Variants in CD99L2 observed in about 807,000 individuals in gnomAD.
CD99L2 encodes CD99 antigen-like protein 2.
A neutral mutation model predicts 27.3 loss-of-function variants in CD99L2; 24 were observed. The observed-to-expected ratio is 0.88, with a 90% CI of 0.64 to 1.24. The LOEUF (loss-of-function observed/expected upper bound fraction) is 1.24, where lower values mean the gene tolerates loss of function less well. Ranked by LOEUF, CD99L2 falls within the 50% of genes most tolerant of loss-of-function variation. The pLI is 0.00. For missense variants in CD99L2, 255 were observed against 221.6 expected, an observed-to-expected ratio of 1.15 and a Z score of -0.96; for synonymous variants, 97 against 87.9, an observed-to-expected ratio of 1.10 and a Z score of -0.58.
At chrX:150,795,520 C>A (rs1557419886) in intron 4 of CD99L2, 34 bp from the exon 5 acceptor site, 1 of 1,170,846 alleles carries the variant, frequency 8.5e-7, no homozygotes, top group African/African-American at 1.8e-5. Flanking sequence ...AAAGGGAGCA[C>A]ATTTAGGAAC....
intron 1 of CD99L2, among the ~76,000 whole-genome samples, chrX:150,838,853 C>CTCA (rs1569566047): frequency 2.4e-5 from 2 of 84,412 alleles, no homozygotes; most frequent in African/African-American, 9.7e-5. Context: ...CCATGCCCAG[C>CTCA]GGAAAACATG....
chrX:150,896,196 G>A (rs1281954936), intron 1 of CD99L2, among the ~76,000 whole-genome samples: 1 of 110,764 alleles, frequency 9.0e-6, no homozygotes, highest in Non-Finnish European at 1.9e-5. Context: ...TCAGGAGTTC[G>A]AGACCAGCCT....
chrX:150,852,894 A>G lies in CD99L2; in HGVS notation c.68-21601T>C, dbSNP rs138086008. On this transcript the variant is annotated intron_variant, in intron 1 of 10. Coordinates refer to ENST00000370377, the MANE Select transcript of CD99L2 (RefSeq NM_031462.4). ...TTGGGGTTTTCTTTCACTTTTTGCT[A>G]TAATTATAAGTAGTGCTCTGTGAAC... 5.8e-3 allele frequency among the ~76,000 whole-genome samples: 645 copies of G among 112,071 alleles called. 5 individuals are homozygous for G. The highest frequency in any genetic ancestry group is 0.02 in the African/African-American group (611 of 30,805).
At chrX:150,799,447 G>A (rs782662903) in intron 4 of CD99L2, among the ~76,000 whole-genome samples, 2 of 108,743 alleles carry the variant, frequency 1.8e-5, no homozygotes, top group African/African-American at 6.7e-5. Flanking sequence ...CCCGGAGATG[G>A]AGGTTGCAGT....
chrX:150,774,339 C>T (rs1557419192), intron 9 of CD99L2, among the ~76,000 whole-genome samples: 2 of 111,543 alleles, frequency 1.8e-5, no homozygotes. Context: ...AAGCGGGATG[C>T]TCTGAGTTGT....
At chrX:150,890,967 C>T (rs1250913527) in intron 1 of CD99L2, among the ~76,000 whole-genome samples, 1 of 113,036 alleles carries the variant, frequency 8.8e-6, no homozygotes, top group Non-Finnish European at 1.9e-5. Context: ...AATCCAGCTA[C>T]CTTCCTGGGC....
At position 150,777,476 on chromosome X, in the gene CD99L2, C is replaced by A. The variant is rs2124036110; in HGVS notation, c.503G>T (p.Gly168Val). The A allele has an allele frequency of 2.5e-6, 3 of 1,211,251 alleles. No homozygotes were observed. The South Asian group carries it at 5.3e-5, about 21-fold the overall frequency. Residue 168 changes from glycine to valine, a missense_variant, in exon 8 of 11, where the codon GGC becomes GTC. By Grantham distance (109) the Gly-to-Val change is moderately radical. Coordinates refer to ENST00000370377, the MANE Select transcript of CD99L2 (RefSeq NM_031462.4). ...EYKPDKGKGD[G>V]RYGSNDDPGS... ...AGGGTCGTCATTGCTGCCGTACCGG[C>A]CATCACCTGAAGAAAAGACAAAAGC...
chrX:150,851,086 G>C (rs1557421584), intron 1 of CD99L2, among the ~76,000 whole-genome samples: 2 of 111,479 alleles, frequency 1.8e-5, no homozygotes, highest in South Asian at 7.5e-4. Flanking sequence ...TAATCTGCCT[G>C]CCTCGGCCTC....
At chrX:150,801,873 T>C (rs2045913207) in intron 4 of CD99L2, among the ~76,000 whole-genome samples, 1 of 111,600 alleles carries the variant, frequency 9.0e-6, no homozygotes, top group Non-Finnish European at 1.9e-5. Flanking sequence ...AAAAATACTT[T>C]CAGCAAATTA....
intron 10 of CD99L2, among the ~76,000 whole-genome samples, chrX:150,769,725 G>C (rs1173955046): frequency 9.4e-6 from 1 of 106,321 alleles, no homozygotes; most frequent in Non-Finnish European, 1.9e-5. Flanking sequence ...AGCCTTTCCG[G>C]ACCTCCTCAT....
rs2043356170 is a variant in CD99L2, at chrX:150,768,851, C to T, written c.*183G>A. ...CTTGAATTTCGGCACCAAGTCTCAG[C>T]ACGCTTGGGGCAGGGCAGAGAAACC... is the stretch of plus-strand genomic sequence containing the variant. On this transcript the variant is annotated 3_prime_UTR_variant, in exon 11 of 11. Coordinates refer to ENST00000370377, the MANE Select transcript of CD99L2 (RefSeq NM_031462.4). 5.2e-6 allele frequency: 5 copies of T among 966,092 alleles called. No individual in the cohort carries two copies. Among genetic ancestry groups the T allele is most frequent in the South Asian group, 4.3e-5 (1 of 23,029 alleles). 79.6% of individuals were successfully genotyped at this position (966,092 alleles called of 1,213,427 possible). A position where few individuals can be genotyped will look rare whatever the true frequency, so the allele number is the denominator to read the frequency against.
chrX:150,794,605 G>A (rs782620846), intron 6 of CD99L2, among the ~76,000 whole-genome samples: 14 of 112,439 alleles, frequency 1.2e-4, no homozygotes, highest in East Asian at 5.6e-4. Context: ...TCCACACTAC[G>A]CTTAACCTGT....
chrX:150,898,484 TC>T, intron 1 of CD99L2, 37 bp downstream of exon 1: 1 of 1,062,212 alleles, frequency 9.4e-7, no homozygotes, highest in Non-Finnish European at 1.2e-6. Context: ...CAAGGCGGGG[TC>T]CCCGCGCGGT....
At chrX:150,796,000 C>T (rs1037880518) in intron 4 of CD99L2, among the ~76,000 whole-genome samples, 2 of 112,659 alleles carry the variant, frequency 1.8e-5, no homozygotes, top group African/African-American at 6.5e-5. Context: ...TCTCTGGGCT[C>T]AACCAGATTC....
intron 1 of CD99L2, among the ~76,000 whole-genome samples, chrX:150,868,704 A>G (rs966012099): frequency 9.0e-6 from 1 of 111,497 alleles, no homozygotes; most frequent in Admixed American, 9.6e-5. Flanking sequence ...TACTTCTATG[A>G]GATTAACTTT....
At chrX:150,802,730 T>C (rs1277820324) in intron 4 of CD99L2, among the ~76,000 whole-genome samples, 9 of 102,808 alleles carry the variant, frequency 8.8e-5, no homozygotes, top group Admixed American at 4.2e-4. Context: ...TACAGGCACC[T>C]GCCACCACGC....
chrX:150,853,345 C>T (rs2046821789), intron 1 of CD99L2, among the ~76,000 whole-genome samples: 1 of 111,865 alleles, frequency 8.9e-6, no homozygotes, highest in Non-Finnish European at 1.9e-5. Context: ...CAGCAAAGAG[C>T]ACACATGCTA....
chrX:150,803,371 G>A (rs781786179), intron 4 of CD99L2, among the ~76,000 whole-genome samples: 7 of 112,081 alleles, frequency 6.2e-5, no homozygotes, highest in African/African-American at 2.3e-4. Context: ...ATGGATCTAT[G>A]TTTAATACAC....
At chrX:150,845,755 A>G (rs2046692144) in intron 1 of CD99L2, among the ~76,000 whole-genome samples, 1 of 112,146 alleles carries the variant, frequency 8.9e-6, no homozygotes, top group Admixed American at 9.4e-5. Flanking sequence ...TATAAGGTGG[A>G]TGGCATGATA....
Sources: allele counts gnomAD v4.1 joint callset (sites outside exome capture counted in the v4.1 genomes callset), GRCh38; gene constraint gnomAD v4.1.1; transcripts MANE v1.5; gene names NCBI Gene and HGNC (gene_info 2026-07-23, HGNC 2026-07-21).